Variants in ADNP observed in about 807,000 individuals in gnomAD.
The protein encoded by ADNP is activity dependent neuroprotector homeobox.
Under a neutral mutation model 84.9 loss-of-function variants are expected in ADNP, and 4 were observed. The observed-to-expected ratio is 0.05, with a 90% confidence interval of 0.02 to 0.11. The LOEUF is 0.11. ADNP is among the 10% of genes least tolerant of loss of function. The pLI, the probability that ADNP is intolerant of heterozygous loss-of-function variation, is 1.00. For synonymous variants in ADNP, 554 were observed against 468.1 expected (o/e 1.18, Z -2.37); for missense variants, 1,132 against 1,326.0 (o/e 0.85, Z 2.27).
At chr20:50,910,844 G>A (rs964365599) in intron 2 of ADNP, among the ~76,000 whole-genome samples, 46 of 151,914 alleles carry the variant, frequency 3.0e-4, no homozygotes, top group Admixed American at 6.6e-4. Flanking sequence ...ATTTAATAGG[G>A]GTCCTCCCTA....
At position 50,894,417 on chromosome 20, in the gene ADNP, T is replaced by G. The variant is rs1359523797; in HGVS notation, c.297A>C (p.Glu99Asp). The G allele has an allele frequency of 6.2e-7, 1 of 1,614,032 alleles. No individual in the cohort carries two copies. Among genetic ancestry groups the G allele is most frequent in the Non-Finnish European group, 8.5e-7 (1 of 1,180,040 alleles). ...YKSHFRNVHSEDFENRILLNC... is the reference protein window; with the variant it reads ...YKSHFRNVHSDDFENRILLNC... ...TAAGGAGAATCCTATTTTCAAAGTC[T>G]TCACTATGGACATTGCGGAAATGAC... The change falls in exon 6 of 6, where the codon GAA (glutamate) becomes GAC (aspartate). Residue 99 changes from glutamate (E) to aspartate (D), a missense_variant. Glu to Asp is a conservative substitution (Grantham distance 45). Transcript: ENST00000621696.
At chr20:50,909,227 G>C (rs1199626490) in intron 2 of ADNP, among the ~76,000 whole-genome samples, 1 of 151,780 alleles carries the variant, frequency 6.6e-6, no homozygotes, top group Admixed American at 6.6e-5. Context: ...AGCTGGGCAT[G>C]GTGGCACATG....
At chr20:50,902,831 A>C (rs550194488) in intron 4 of ADNP, among the ~76,000 whole-genome samples, 1 of 152,342 alleles carries the variant, frequency 6.6e-6, no homozygotes, top group East Asian at 1.9e-4. Context: ...ATTTCTATGA[A>C]GATGACCCCA....
chr20:50,927,668 T>C (rs1984382177), intron 2 of ADNP, among the ~76,000 whole-genome samples: 3 of 152,148 alleles, frequency 2.0e-5, no homozygotes, highest in African/African-American at 4.8e-5. Flanking sequence ...AGTTTTGGGA[T>C]TACAGGCGTA....
At position 50,891,000 on chromosome 20, in the gene ADNP, A is replaced by C; in HGVS notation, c.*405T>G. ...TACATGAAAAAAAATCGCTTTTCCC[A>C]AAGTCTACTATACACATTAGACTGG... On this transcript the variant is annotated 3_prime_UTR_variant, in exon 6 of 6. Transcript: ENST00000621696. 1 of 1,000,422 alleles carries C rather than the reference A, an allele frequency of 1.0e-6. No homozygotes were observed. Among genetic ancestry groups the C allele is most frequent in the Non-Finnish European group, 1.2e-6 (1 of 840,542 alleles). 62.0% of individuals were successfully genotyped at this position (1,000,422 alleles called of 1,614,324 possible). A position where few individuals can be genotyped will look rare whatever the true frequency, so the allele number is the denominator to read the frequency against.
At chr20:50,907,795 G>T (rs1036991439) in intron 2 of ADNP, among the ~76,000 whole-genome samples, 3 of 149,632 alleles carry the variant, frequency 2.0e-5, no homozygotes, top group African/African-American at 7.4e-5. Flanking sequence ...ATGGGGTGTT[G>T]CCATGTTGCC....
At chr20:50,895,537 T>A (rs1981290727) in intron 5 of ADNP, among the ~76,000 whole-genome samples, 1 of 152,154 alleles carries the variant, frequency 6.6e-6, no homozygotes, top group Non-Finnish European at 1.5e-5. Flanking sequence ...ACACTTAGGC[T>A]ACACAAGTTT....
At chr20:50,920,319 G>A (rs1033019610) in intron 2 of ADNP, among the ~76,000 whole-genome samples, 6 of 148,708 alleles carry the variant, frequency 4.0e-5, no homozygotes, top group Non-Finnish European at 5.9e-5. Context: ...AGTGGCTCAT[G>A]CCTGCAATCC....
chr20:50,916,636 T>C (rs1983530342), intron 2 of ADNP, among the ~76,000 whole-genome samples: 1 of 152,212 alleles, frequency 6.6e-6, no homozygotes, highest in Middle Eastern at 3.2e-3. Flanking sequence ...TTCTGGACAT[T>C]ATTTTTCAAT....
intron 2 of ADNP, among the ~76,000 whole-genome samples, chr20:50,907,451 G>C (rs1982597204): frequency 6.6e-6 from 1 of 151,746 alleles, no homozygotes; most frequent in African/African-American, 2.4e-5. Flanking sequence ...ATTTTTAATA[G>C]AGACAGGGCT....
chr20:50,891,322 C>T lies in ADNP; in HGVS notation c.*83G>A. 6.8e-7 allele frequency: 1 copy of T among 1,465,694 alleles called. No individual in the cohort carries two copies. The highest frequency in any genetic ancestry group is 9.0e-7 in the Non-Finnish European group (1 of 1,115,844). The allele number at this position is 1,465,694 out of a possible 1,614,324, so 90.8% of individuals were successfully genotyped here. A position where few individuals can be genotyped will look rare whatever the true frequency, so the allele number is the denominator to read the frequency against. On this transcript the variant is annotated 3_prime_UTR_variant, in exon 6 of 6. Coordinates refer to ENST00000621696, the MANE Select transcript of ADNP (RefSeq NM_001282531.3). ...TCCAACCAGTACTCACAAGGCAGTA[C>T]CAGTGAGAAGACAGCTTTGCAGTCA...
In ADNP at chr20:50,891,967, A is replaced by C. The variant is rs375071944; in HGVS notation, c.2747T>G (p.Ile916Ser). The stretch of plus-strand genomic sequence containing the variant: ...CTCAGATTCTGAAGCATCCTCAGGA[A>C]TTACCTTCAGTACATGTTCCTCTGG... ...DNPEEHVLKV[I>S]PEDASESEEK... is the part of the protein sequence containing the mutation. The change falls in exon 6 of 6, where the codon ATT becomes AGT. Residue 916 changes from isoleucine (I) to serine (S), a missense_variant. Ile to Ser is a moderately radical substitution (Grantham distance 142). This residue lies in a region of ADNP where 381 missense variants were observed against 319.9 expected (regional missense o/e 1.19). Transcript: ENST00000621696. 1 of 1,614,212 alleles carries C rather than the reference A, an allele frequency of 6.2e-7. No individual in the cohort carries two copies. Among genetic ancestry groups the C allele is most frequent in the South Asian group, 1.1e-5 (1 of 91,084 alleles).
chr20:50,927,835 C>T (rs891113457), intron 2 of ADNP, among the ~76,000 whole-genome samples: 12 of 152,330 alleles, frequency 7.9e-5, no homozygotes, highest in African/African-American at 1.7e-4. Flanking sequence ...GTATCCCATT[C>T]GCTAAATCAA....
At chr20:50,895,865 G>C (rs1336158159) in intron 5 of ADNP, among the ~76,000 whole-genome samples, 1 of 152,196 alleles carries the variant, frequency 6.6e-6, no homozygotes, top group Non-Finnish European at 1.5e-5. Context: ...ACCTCAGCTT[G>C]CTGTGGTTTA....
In ADNP at chr20:50,904,284, C is replaced by T. The variant is rs562482769; in HGVS notation, c.-5-283G>A. ...TGGTTCATTGACTGCAGTGCACTCA[C>T]GATTCACCATAGCCTCAACCTTCTG... On this transcript the variant is annotated intron_variant, in intron 3 of 5. Transcript: ENST00000621696. 1.7e-4 allele frequency: 55 copies of T among 323,932 alleles called. 1 individual carries two copies. The highest frequency in any genetic ancestry group is 9.1e-4 in the South Asian group (23 of 25,166). 20.1% of individuals were successfully genotyped at this position (323,932 alleles called of 1,614,324 possible). A position where few individuals can be genotyped will look rare whatever the true frequency, so the allele number is the denominator to read the frequency against.
chr20:50,930,432 T>TG lies in ADNP; in HGVS notation c.-265+393dup, dbSNP rs542447487. On this transcript the variant is annotated intron_variant, in intron 1 of 5. Coordinates refer to ENST00000621696, the MANE Select transcript of ADNP (RefSeq NM_001282531.3). ...CTGGTTCAAGGCATGGGGGTGTGCGTGGGGGGGCTCCTTTTGGGGGTGGGG... is the reference window on the plus strand; with the variant it reads ...CTGGTTCAAGGCATGGGGGTGTGCGTGGGGGGGGCTCCTTTTGGGGGTGGGG... Among the ~76,000 whole-genome samples the TG allele has an allele frequency of 1.1e-3, 147 of 137,302 alleles. 1 individual carries two copies. The highest frequency in any genetic ancestry group is 3.4e-3 in the African/African-American group (128 of 38,074). The allele number at this position is 137,302 out of a possible 152,430, so 90.1% of individuals were successfully genotyped here. A position where few individuals can be genotyped will look rare whatever the true frequency, so the allele number is the denominator to read the frequency against.
chr20:50,924,470 G>T (rs1568745885), intron 2 of ADNP, among the ~76,000 whole-genome samples: 1 of 152,150 alleles, frequency 6.6e-6, no homozygotes, highest in Admixed American at 6.5e-5. Context: ...GCACCATAAA[G>T]GCCTGTGTTG....
intron 2 of ADNP, among the ~76,000 whole-genome samples, chr20:50,923,116 T>C (rs187747595): frequency 5.6e-4 from 85 of 152,256 alleles, no homozygotes; most frequent in African/African-American, 1.8e-3. Flanking sequence ...TTATGGGTGT[T>C]ATGAGCCAGG....
At chr20:50,928,137 GA>G (rs939032081) in intron 2 of ADNP, among the ~76,000 whole-genome samples, 1 of 152,114 alleles carries the variant, frequency 6.6e-6, no homozygotes, top group Non-Finnish European at 1.5e-5. Context: ...ATTCTCCAAT[GA>G]AAAATTCTCC....
Sources: allele counts gnomAD v4.1 joint callset (sites outside exome capture counted in the v4.1 genomes callset), GRCh38; gene constraint gnomAD v4.1.1; regional missense constraint gnomAD v4.1.1; transcripts MANE v1.5; gene names NCBI Gene and HGNC (gene_info 2026-07-23, HGNC 2026-07-21).